Variants in RABGAP1L observed in about 807,000 individuals in gnomAD.
RABGAP1L encodes RAB GTPase activating protein 1 like.
Under a neutral mutation model 137.7 loss-of-function variants are expected in RABGAP1L, and 63 were observed. The ratio of observed to expected loss-of-function variants is 0.46; its 90% CI spans 0.37 to 0.56. RABGAP1L has a LOEUF of 0.56. Among genes scored for constraint, RABGAP1L ranks in the 20% least tolerant of loss-of-function variants. The probability of loss-of-function intolerance (pLI) is 0.00; values close to 1 mark genes in which losing one functional copy is unlikely to be tolerated. For missense variants in RABGAP1L, 1,095 were observed against 1,244.0 expected, an observed-to-expected ratio of 0.88 and a Z score of 1.80; for synonymous variants, 431 against 433.7, an observed-to-expected ratio of 0.99 and a Z score of 0.08.
intron 13 of RABGAP1L, among the ~76,000 whole-genome samples, chr1:174,631,403 T>C (rs901941936): frequency 4.3e-5 from 5 of 117,110 alleles, no homozygotes; most frequent in East Asian, 2.0e-4. Flanking sequence ...TAGATGTCTA[T>C]TAGGTCTGCT....
At chr1:174,909,512 C>T (rs942369740) in intron 19 of RABGAP1L, among the ~76,000 whole-genome samples, 2 of 152,064 alleles carry the variant, frequency 1.3e-5, no homozygotes, top group Non-Finnish European at 2.9e-5. Context: ...TAGGCATGAG[C>T]CACTGTGCCC....
At chr1:174,708,289 C>A (rs1211891702) in intron 17 of RABGAP1L, among the ~76,000 whole-genome samples, 1 of 152,128 alleles carries the variant, frequency 6.6e-6, no homozygotes, top group Non-Finnish European at 1.5e-5. Context: ...TTCTCCCCCA[C>A]AAAAAACTCA....
intron 11 of RABGAP1L, among the ~76,000 whole-genome samples, chr1:174,330,403 G>A (rs1482016037): frequency 6.6e-6 from 1 of 152,096 alleles, no homozygotes; most frequent in Non-Finnish European, 1.5e-5. Context: ...AACATTGGGA[G>A]ACGTTGTCTC....
At chr1:174,576,219 G>A (rs139842051) in intron 13 of RABGAP1L, among the ~76,000 whole-genome samples, 1,762 of 152,290 alleles carry the variant, frequency 0.012, 36 homozygotes, top group African/African-American at 0.041. Context: ...AAGGGAGTAT[G>A]CCTTAACCCT....
intron 4 of RABGAP1L, among the ~76,000 whole-genome samples, chr1:174,239,330 C>G (rs984479590): frequency 1.3e-5 from 2 of 152,148 alleles, no homozygotes; most frequent in African/African-American, 4.8e-5. Flanking sequence ...TACCACTTTC[C>G]TCTCCCTTTC....
At chr1:174,205,595 A>C (rs1054864556) in intron 1 of RABGAP1L, among the ~76,000 whole-genome samples, 4 of 151,538 alleles carry the variant, frequency 2.6e-5, no homozygotes, top group African/African-American at 9.7e-5. Flanking sequence ...GTAGTTTCTG[A>C]TGGTTATTTT....
chr1:174,441,476 T>C (rs1558237158), intron 13 of RABGAP1L, among the ~76,000 whole-genome samples: 1 of 152,194 alleles, frequency 6.6e-6, no homozygotes, highest in Non-Finnish European at 1.5e-5. Flanking sequence ...GTCTCACGTC[T>C]GTAATCCCAG....
chr1:174,540,044 T>C (rs1004192834), intron 13 of RABGAP1L, among the ~76,000 whole-genome samples: 2 of 152,350 alleles, frequency 1.3e-5, no homozygotes, highest in South Asian at 4.1e-4. Context: ...TGATTGCCAG[T>C]GATGATAAGC....
At chr1:174,400,641 G>C (rs140255237) in intron 13 of RABGAP1L, among the ~76,000 whole-genome samples, 102 of 152,206 alleles carry the variant, frequency 6.7e-4, no homozygotes, top group Non-Finnish European at 1.3e-3. Context: ...TCATCTTGTT[G>C]GGGAGAGCTA....
chr1:174,604,487 T>G (rs180849722), intron 13 of RABGAP1L, among the ~76,000 whole-genome samples: 1 of 152,208 alleles, frequency 6.6e-6, no homozygotes, highest in Non-Finnish European at 1.5e-5. Flanking sequence ...TTCCTTGATA[T>G]GATGTTAAAA....
chr1:174,492,877 C>T (rs1288999093), intron 13 of RABGAP1L, among the ~76,000 whole-genome samples: 1 of 151,946 alleles, frequency 6.6e-6, no homozygotes, highest in African/African-American at 2.4e-5. Flanking sequence ...TCCCCTCTTC[C>T]ATATGTATAA....
At chr1:174,309,849 G>A (rs1018296907) in intron 11 of RABGAP1L, among the ~76,000 whole-genome samples, 1 of 152,012 alleles carries the variant, frequency 6.6e-6, no homozygotes, top group Non-Finnish European at 1.5e-5. Flanking sequence ...GTCTGGCTTT[G>A]ATATTAGTGT....
intron 8 of RABGAP1L, among the ~76,000 whole-genome samples, chr1:174,273,142 T>C (rs750125826): frequency 7.9e-5 from 12 of 152,106 alleles, no homozygotes; most frequent in Non-Finnish European, 1.3e-4. Flanking sequence ...CTTAGTGAAC[T>C]GAAATTCTTA....
At chr1:174,418,252 A>G (rs1650843231) in intron 13 of RABGAP1L, among the ~76,000 whole-genome samples, 1 of 152,218 alleles carries the variant, frequency 6.6e-6, no homozygotes. Context: ...TTCTTTCCTA[A>G]GATAACACGT....
chr1:174,309,840 T>A (rs1251223272), intron 11 of RABGAP1L, among the ~76,000 whole-genome samples: 3 of 152,120 alleles, frequency 2.0e-5, no homozygotes, highest in Non-Finnish European at 2.9e-5. Flanking sequence ...CTTGTCTGTG[T>A]CTGGCTTTGA....
chr1:174,524,247 G>C (rs1296797691), intron 13 of RABGAP1L, among the ~76,000 whole-genome samples: 1 of 151,498 alleles, frequency 6.6e-6, no homozygotes. Flanking sequence ...CATAGTGGTT[G>C]TACTGATTTA....
At chr1:174,771,609 A>G (rs1686116981) in intron 18 of RABGAP1L, among the ~76,000 whole-genome samples, 1 of 152,240 alleles carries the variant, frequency 6.6e-6, no homozygotes, top group Non-Finnish European at 1.5e-5. Flanking sequence ...ACTTGAATAT[A>G]AACAACCCAT....
At chr1:174,938,974 AC>A (rs1665369654) in intron 19 of RABGAP1L, among the ~76,000 whole-genome samples, 1 of 152,178 alleles carries the variant, frequency 6.6e-6, no homozygotes, top group African/African-American at 2.4e-5. Flanking sequence ...CAGTAGATGG[AC>A]CTTAAAGAGG....
chr1:174,214,179 G>A (rs781663192), intron 1 of RABGAP1L, among the ~76,000 whole-genome samples: 54 of 152,134 alleles, frequency 3.5e-4, no homozygotes, highest in Non-Finnish European at 6.3e-4. Context: ...AAAATCAGTA[G>A]CATTTCTATA....
Sources: gnomAD v4.1 joint callset for allele counts (sites outside exome capture counted in the v4.1 genomes callset) on GRCh38, gnomAD v4.1.1 for gene constraint, MANE v1.5 for transcripts, NCBI Gene and HGNC (gene_info 2026-07-23, HGNC 2026-07-21) for gene names.